Variants in SLC52A3 observed in about 807,000 individuals in gnomAD.
SLC52A3 encodes the protein solute carrier family 52, riboflavin transporter, member 3.
A neutral mutation model predicts 29.5 loss-of-function variants in SLC52A3; 20 were observed. The ratio of observed to expected loss-of-function variants is 0.68; its 90% CI spans 0.48 to 0.99. The LOEUF is 0.99. Among genes scored for constraint, SLC52A3 ranks in the 50% least tolerant of loss-of-function variants. The pLI is 0.00. For synonymous variants in SLC52A3, 301 were observed against 271.0 expected, an observed-to-expected ratio of 1.11 and a Z score of -1.09; for missense variants, 548 against 612.9, an observed-to-expected ratio of 0.89 and a Z score of 1.12.
rs1986576660 is a variant in SLC52A3 at position 763,808 on chromosome 20, G to A, written c.763C>T (p.Leu255Phe). 6 of 1,614,122 alleles carry A rather than the reference G, an allele frequency of 3.7e-6. No homozygotes were observed. The highest frequency in any genetic ancestry group is 1.3e-5 in the African/African-American group (1 of 75,042). ...TGGAGGGTGACCTGGTCATTGAGGAGGTCTTCCACGGAAGCCTCCCAGCAC... is the reference window on the plus strand; with the variant it reads ...TGGAGGGTGACCTGGTCATTGAGGAAGTCTTCCACGGAAGCCTCCCAGCAC... ...PRCWEASVEDLLNDQVTLHSI... is the reference protein window; with the variant it reads ...PRCWEASVEDFLNDQVTLHSI... Residue 255 changes from leucine (L) to phenylalanine (F), a missense_variant, in exon 3 of 5, where the codon CTC becomes TTC. By Grantham distance (22) the Leu-to-Phe change is conservative. Around this residue, in one of 2 missense-constraint regions of SLC52A3, gnomAD observed 375 missense variants for 471.1 expected, o/e 0.80. Transcript: ENST00000645534.
intron 1 of SLC52A3, among the ~76,000 whole-genome samples, chr20:775,463 T>C (rs527448): frequency 0.47 from 72,040 of 151,706 alleles, 17,485 homozygotes; most frequent in East Asian, 0.75. Flanking sequence ...ATTTTTTGTA[T>C]AGATGGAGTT....
In SLC52A3 at chr20:761,117, G is replaced by C; in HGVS notation, c.1319C>G (p.Ser440Trp). ...LWCGAAVQLG[S>W]LLGALLMFPL... The stretch of plus-strand genomic sequence containing the variant: ...GAACATGAGCAGCGCTCCGAGCAGC[G>C]AGCCCAGCTGCACCGCCGCCCCGCA... Residue 440 changes from serine to tryptophan, a missense_variant, in exon 5 of 5, where the codon TCG becomes TGG. Around this residue, in one of 2 missense-constraint regions of SLC52A3, gnomAD observed 173 missense variants for 141.8 expected, o/e 1.22. Transcript: ENST00000645534. 3 of 1,601,426 alleles carry C rather than the reference G, an allele frequency of 1.9e-6. No individual in the cohort carries two copies. Among genetic ancestry groups the C allele is most frequent in the Non-Finnish European group, 2.6e-6 (3 of 1,175,056 alleles).
At chr20:776,086 G>A (rs1481325596), upstream of SLC52A3, 1 of 152,480 alleles carries the variant, frequency 6.6e-6, no homozygotes, top group African/African-American at 2.4e-5. Context: ...AAGACCAGGC[G>A]CCTACTATGT....
At chr20:763,300 T>C (rs760077173) in intron 3 of SLC52A3, among the ~76,000 whole-genome samples, 198 bp downstream of exon 3, 2 of 152,220 alleles carry the variant, frequency 1.3e-5, no homozygotes, top group Non-Finnish European at 2.9e-5. Context: ...TTCCGATAAA[T>C]ATCCCTGAGG....
At chr20:772,840 A>G (rs1389865073), upstream of SLC52A3, among the ~76,000 whole-genome samples, 2 of 152,122 alleles carry the variant, frequency 1.3e-5, no homozygotes, top group East Asian at 3.9e-4. Flanking sequence ...CAAGGAGAGG[A>G]CATGAAGGGA....
rs144666336 is a variant in SLC52A3, at chr20:761,973, G to T, written c.1074-149C>A. 3.1e-3 allele frequency: 3,774 copies of T among 1,199,078 alleles called. 18 individuals carry two copies. The highest frequency in any genetic ancestry group is 4.3e-3 in the Admixed American group (214 of 50,292). 74.3% of individuals were successfully genotyped at this position (1,199,078 alleles called of 1,614,324 possible). A position where few individuals can be genotyped will look rare whatever the true frequency, so the allele number is the denominator to read the frequency against. On this transcript the variant is annotated intron_variant, in intron 3 of 4. Coordinates refer to ENST00000645534, the MANE Select transcript of SLC52A3 (RefSeq NM_033409.4). ...AGGTTGCCTGGCTCAAGTGGGTCAG[G>T]GAGGCTCCTGAGCAGGCAGGGCTGG...
At chr20:771,440 G>A (rs976745840), upstream of SLC52A3, among the ~76,000 whole-genome samples, 1 of 151,976 alleles carries the variant, frequency 6.6e-6, no homozygotes, top group Non-Finnish European at 1.5e-5. Flanking sequence ...AAAACTAAAA[G>A]AAACAAACAG....
intron 3 of SLC52A3, among the ~76,000 whole-genome samples, 169 bp from the exon 4 acceptor site, chr20:761,993 G>A (rs554017120): frequency 2.5e-4 from 38 of 152,330 alleles, no homozygotes; most frequent in African/African-American, 8.9e-4. Context: ...GAGCAGGCAG[G>A]GCTGGCCTGA....
upstream of SLC52A3, among the ~76,000 whole-genome samples, chr20:778,675 T>G (rs192051273): frequency 3.9e-5 from 6 of 152,144 alleles, no homozygotes; most frequent in Admixed American, 1.3e-4. Context: ...AAGGGAGAAG[T>G]TAAGCCTTGC....
intron 1 of SLC52A3, among the ~76,000 whole-genome samples, chr20:766,589 G>A (rs6085771): frequency 0.29 from 43,889 of 151,588 alleles, 6,747 homozygotes; most frequent in African/African-American, 0.38. Context: ...TGAGCACCTT[G>A]TGACCCCCAC....
upstream of SLC52A3, among the ~76,000 whole-genome samples, chr20:779,516 G>A (rs1464021934): frequency 1.3e-5 from 2 of 152,272 alleles, no homozygotes; most frequent in South Asian, 2.1e-4. Context: ...CCAGCTACTC[G>A]GGAGGCTGAG....
Position 765,380 on chromosome 20 carries a change from CG to C in SLC52A3, c.394del (p.Arg132GlyfsTer99). The C allele has an allele frequency of 6.2e-7, 1 of 1,614,062 alleles. No homozygotes were observed. Reference protein sequence around the residue: ...SSVTFLPFMSRLPTYYLTTFF... With the variant: ...SSVTFLPFMSXLPTYYLTTFF... ...GGTGGTGAGGTAGTAGGTGGGCAGC[CG>C]GCTCATGAACGGCAGGAAGGTCACT... On this transcript the variant is annotated frameshift_variant, in exon 2 of 5. Coordinates refer to ENST00000645534, the MANE Select transcript of SLC52A3 (RefSeq NM_033409.4). LOFTEE classifies it high-confidence loss of function. The surrounding 1 kb of genome is among the most constrained non-coding windows in gnomAD (Gnocchi z 6.6).
rs764568577 is a variant in SLC52A3 at position 765,784 on chromosome 20, T to C, written c.-10A>G. On this transcript the variant is annotated 5_prime_UTR_variant, in exon 2 of 5. Transcript: ENST00000645534. The surrounding 1 kb of genome is among the most constrained non-coding windows in gnomAD (Gnocchi z 6.6). Reference sequence around the variant, plus strand: ...GCATCAGGAAGGCCATGGCGGTATCTGCCCTGGGCCAGAGGCTTTCTCAGA... The same window carrying C: ...GCATCAGGAAGGCCATGGCGGTATCCGCCCTGGGCCAGAGGCTTTCTCAGA... The C allele has an allele frequency of 3.3e-5, 29 of 881,862 alleles. No individual in the cohort carries two copies. The highest frequency in any genetic ancestry group is 4.7e-5 in the Non-Finnish European group (29 of 622,618). 54.6% of individuals were successfully genotyped at this position (881,862 alleles called of 1,614,324 possible).
chr20:766,542 T>C (rs932946073), intron 1 of SLC52A3, among the ~76,000 whole-genome samples: 15 of 152,188 alleles, frequency 9.9e-5, no homozygotes, highest in Non-Finnish European at 2.2e-4. Context: ...GATATTACCT[T>C]GTGAAATTCC....
At position 761,149 on chromosome 20, in the gene SLC52A3, G is replaced by T; in HGVS notation, c.1287C>A (p.Leu429=). ...GCTGCACCGCCGCCCCGCACCACAAGAGGGCGCTGCGGCTGAGGTCGCGCA... is the reference window on the plus strand; with the variant it reads ...GCTGCACCGCCGCCCCGCACCACAATAGGGCGCTGCGGCTGAGGTCGCGCA... ...VVLRDLSRSA[L]LWCGAAVQLG... is the part of the protein sequence containing the mutation. The change falls in exon 5 of 5, where the codon CTC becomes CTA. Residue 429 remains leucine, a synonymous_variant. Coordinates refer to ENST00000645534, the MANE Select transcript of SLC52A3 (RefSeq NM_033409.4). 1 of 1,587,768 alleles carries T rather than the reference G, an allele frequency of 6.3e-7. No individual in the cohort carries two copies.
intron 1 of SLC52A3, among the ~76,000 whole-genome samples, chr20:775,476 G>A (rs1355824734): frequency 6.6e-6 from 1 of 151,896 alleles, no homozygotes; most frequent in Non-Finnish European, 1.5e-5. Flanking sequence ...ATGGAGTTTC[G>A]CCACGTTGCC....
chr20:776,597 C>T (rs1316307304), upstream of SLC52A3, among the ~76,000 whole-genome samples: 1 of 152,204 alleles, frequency 6.6e-6, no homozygotes, highest in Non-Finnish European at 1.5e-5. Flanking sequence ...GCACACTGAG[C>T]TACCCTGACA....
chr20:771,140 C>T (rs959472399), upstream of SLC52A3, among the ~76,000 whole-genome samples: 51 of 152,206 alleles, frequency 3.4e-4, no homozygotes, highest in African/African-American at 8.7e-4. Flanking sequence ...TACTCAGAGG[C>T]TGGGTGCAGT....
chr20:761,402 C>T, intron 4 of SLC52A3, 164 bp from the exon 5 acceptor site: 2 of 861,878 alleles, frequency 2.3e-6, no homozygotes, highest in Non-Finnish European at 3.5e-6. Context: ...CATGAGTTGG[C>T]CGCCCGGGGG....
Sources: gnomAD v4.1 joint callset for allele counts (sites outside exome capture counted in the v4.1 genomes callset) on GRCh38, gnomAD v4.1.1 for gene constraint, gnomAD v4.1.1 regional missense constraint, Gnocchi (gnomAD v3.1) non-coding constraint, MANE v1.5 for transcripts, NCBI Gene and HGNC (gene_info 2026-07-23, HGNC 2026-07-21) for gene names.